The following OVCH1 variants were observed in gnomAD, a reference collection of about 807,000 sequenced individuals.
The protein encoded by OVCH1 is ovochymase 1, also known as ovochymase-1.
OVCH1 carries 139 observed loss-of-function variants against 138.4 expected under a neutral mutation model. That is an observed-to-expected ratio of 1.00 (90% CI 0.87 to 1.16). The LOEUF (loss-of-function observed/expected upper bound fraction) is 1.16. Among genes scored for constraint, OVCH1 ranks in the 50% most tolerant of loss-of-function variants. The probability of loss-of-function intolerance (pLI) is 0.00; values close to 1 mark genes in which losing one functional copy is unlikely to be tolerated. For synonymous variants in OVCH1, 453 were observed against 467.8 expected, an observed-to-expected ratio of 0.97 and a Z score of 0.41; for missense variants, 1,367 against 1,357.9, an observed-to-expected ratio of 1.01 and a Z score of -0.11.
intron 21 of OVCH1, among the ~76,000 whole-genome samples, chr12:29,453,380 A>G (rs1941852923): frequency 6.6e-6 from 1 of 152,062 alleles, no homozygotes; most frequent in Admixed American, 6.6e-5. Flanking sequence ...CAATCACTAT[A>G]TACATGATGA....
At chr12:29,443,648 G>T in intron 24 of OVCH1, 148 bp from the exon 25 acceptor site, 1 of 842,392 alleles carries the variant, frequency 1.2e-6, no homozygotes, top group Non-Finnish European at 1.7e-6. Context: ...GAGAGAGAAA[G>T]ATTTGTACTT....
intron 27 of OVCH1, among the ~76,000 whole-genome samples, chr12:29,429,378 A>G (rs2135897681): frequency 1.3e-5 from 2 of 152,300 alleles, no homozygotes; most frequent in Non-Finnish European, 2.9e-5. Context: ...TACTCATCCA[A>G]CTGTGCTCAA....
intron 19 of OVCH1, among the ~76,000 whole-genome samples, chr12:29,455,624 G>C (rs746037058): frequency 6.6e-6 from 1 of 152,148 alleles, no homozygotes; most frequent in Non-Finnish European, 1.5e-5. Flanking sequence ...CCAGGGTGAA[G>C]ATAAAGCTTA....
intron 26 of OVCH1, among the ~76,000 whole-genome samples, chr12:29,437,823 T>A (rs1428544543): frequency 6.6e-6 from 1 of 152,202 alleles, no homozygotes; most frequent in East Asian, 1.9e-4. Context: ...GGGTCAACAG[T>A]GTGTCATTCT....
At chr12:29,474,074 T>TACACACACACACACACACACACAC (rs146655743) in intron 14 of OVCH1, among the ~76,000 whole-genome samples, 6 of 145,190 alleles carry the variant, frequency 4.1e-5, no homozygotes, top group African/African-American at 1.5e-4. Context: ...CACACACACA[T>TACACACACACACACACACACACAC]ACACACACAC....
chr12:29,441,295 G>C (rs1007664376), intron 25 of OVCH1, among the ~76,000 whole-genome samples: 1 of 152,126 alleles, frequency 6.6e-6, no homozygotes, highest in African/African-American at 2.4e-5. Flanking sequence ...GAACAGAACA[G>C]AGCCCTCAGA....
At chr12:29,422,980 T>G, downstream of OVCH1, 1 of 213,696 alleles carries the variant, frequency 4.7e-6, no homozygotes. Context: ...ACCAGTATTA[T>G]GCCTTAAGGA....
chr12:29,477,052 C>A, intron 12 of OVCH1, 50 bp downstream of exon 12: 1 of 1,485,078 alleles, frequency 6.7e-7, no homozygotes, highest in Non-Finnish European at 9.0e-7. Context: ...TTCTGCCTAA[C>A]TAACGTAACT....
rs185812901 is a variant in OVCH1 at position 29,474,244 on chromosome 12, T to C, written c.1600+817A>G. ...TCTTTACAATGATTTTCTCAGTACT[T>C]TTCTTGCATGTAAGTTCATTCATAA... On this transcript the variant is annotated intron_variant, in intron 14 of 27. Transcript: ENST00000318184. 1.7e-4 allele frequency among the ~76,000 whole-genome samples: 26 copies of C among 152,302 alleles called. No homozygotes were observed. The East Asian group carries it at 4.1e-3, about 24-fold the overall frequency.
chr12:29,486,290 C>T (rs1355140038), exon 8 of OVCH1: 1 of 1,613,858 alleles, frequency 6.2e-7, no homozygotes, highest in African/African-American at 1.3e-5. Flanking sequence ...GGACAGAACT[C>T]AGGGCCTTTG....
At chr12:29,487,724 C>T in exon 7 of OVCH1, 1 of 1,601,980 alleles carries the variant, frequency 6.2e-7, no homozygotes, top group East Asian at 2.2e-5. Context: ...TAAAATCCAT[C>T]AACTCAGACA....
chr12:29,440,204 A>G (rs1320535158), intron 25 of OVCH1, among the ~76,000 whole-genome samples: 2 of 152,154 alleles, frequency 1.3e-5, no homozygotes, highest in African/African-American at 2.4e-5. Context: ...TACCTTTCCT[A>G]TACCCCAGAG....
chr12:29,430,788 C>T, intron 27 of OVCH1: 1 of 417,936 alleles, frequency 2.4e-6, no homozygotes. Flanking sequence ...CCTGTGGAGT[C>T]TGCACACCAG....
At chr12:29,425,422 G>A (rs761052665), downstream of OVCH1, among the ~76,000 whole-genome samples, 3 of 151,960 alleles carry the variant, frequency 2.0e-5, no homozygotes, top group Admixed American at 6.6e-5. Context: ...TATAATGCTC[G>A]CCTTGAAGAT....
chr12:29,433,709 G>T lies in OVCH1; in HGVS notation c.3327+42C>A, dbSNP rs182363961. The T allele has an allele frequency of 2.9e-5, 40 of 1,399,112 alleles. 1 individual carries two copies. In the African/African-American group the frequency reaches 5.3e-4, roughly 19 times the overall value. The allele number at this position is 1,399,112 out of a possible 1,614,324, so 86.7% of individuals were successfully genotyped here. A position where few individuals can be genotyped will look rare whatever the true frequency, so the allele number is the denominator to read the frequency against. ...TGAATAATTCTCGGTTTAAATGTGAGATTTTTTTCTATTTTATGTTAGTCC... is the reference window on the plus strand; with the variant it reads ...TGAATAATTCTCGGTTTAAATGTGATATTTTTTTCTATTTTATGTTAGTCC... On this transcript the variant is annotated intron_variant, in intron 27 of 27. Transcript: ENST00000318184.
intron 3 of OVCH1, among the ~76,000 whole-genome samples, chr12:29,417,176 G>A (rs138339191): frequency 7.2e-5 from 11 of 152,294 alleles, no homozygotes; most frequent in African/African-American, 2.6e-4. Flanking sequence ...CTGGGAAAGG[G>A]TGAAGTGGGT....
At chr12:29,441,376 T>G (rs2135919615) in intron 25 of OVCH1, among the ~76,000 whole-genome samples, 1 of 152,274 alleles carries the variant, frequency 6.6e-6, no homozygotes, top group Non-Finnish European at 1.5e-5. Context: ...GGGAAAGGAT[T>G]CCCTATTTAA....
At chr12:29,491,036 C>A (rs1385284496) in intron 5 of OVCH1, 61 bp downstream of exon 5, 2 of 1,376,930 alleles carry the variant, frequency 1.5e-6, no homozygotes, top group African/African-American at 2.9e-5. Flanking sequence ...AAAATTATTT[C>A]TGCTTCCCCT....
downstream of OVCH1, among the ~76,000 whole-genome samples, chr12:29,408,735 T>C: frequency 6.9e-6 from 1 of 145,232 alleles, no homozygotes; most frequent in African/African-American, 2.5e-5. Flanking sequence ...GATTTTTGCA[T>C]CAATGTTCAT....
Sources: allele counts gnomAD v4.1 joint callset (sites outside exome capture counted in the v4.1 genomes callset), GRCh38; gene constraint gnomAD v4.1.1; transcripts MANE v1.5; gene names NCBI Gene and HGNC (gene_info 2026-07-23, HGNC 2026-07-21).